The following SAMSN1 variants were observed in gnomAD, a reference collection of about 807,000 sequenced individuals.
SAMSN1 encodes SAM domain-containing protein SAMSN-1.
A neutral mutation model predicts 42.0 loss-of-function variants in SAMSN1; 31 were observed. The ratio of observed to expected loss-of-function variants is 0.74; its 90% CI spans 0.55 to 1.00. The LOEUF (loss-of-function observed/expected upper bound fraction) is 1.00, where lower values mean the gene tolerates loss of function less well. Ranked by LOEUF, SAMSN1 falls within the 50% of genes least tolerant of loss-of-function variation. The pLI is 0.00. For synonymous variants in SAMSN1, 178 were observed against 151.9 expected, an observed-to-expected ratio of 1.17 and a Z score of -1.26; for missense variants, 464 against 439.4, an observed-to-expected ratio of 1.06 and a Z score of -0.50.
At chr21:14,575,668 G>A (rs1230144868) in intron 2 of SAMSN1, among the ~76,000 whole-genome samples, 2 of 152,156 alleles carry the variant, frequency 1.3e-5, no homozygotes, top group Admixed American at 6.6e-5. Flanking sequence ...GAGTGTGTGA[G>A]CTTTCTTCTT....
chr21:14,527,212 T>C (rs532937674), intron 1 of SAMSN1, among the ~76,000 whole-genome samples: 54 of 152,366 alleles, frequency 3.5e-4, no homozygotes, highest in African/African-American at 1.2e-3. Flanking sequence ...AATATTCTAC[T>C]ATAATAAAAG....
intron 1 of SAMSN1, among the ~76,000 whole-genome samples, chr21:14,646,181 G>A (rs961115797): frequency 4.6e-5 from 7 of 152,086 alleles, no homozygotes. Context: ...AGAACACCAA[G>A]CAGATTTAAC....
Position 14,566,155 on chromosome 21 carries a change from T to G in SAMSN1, c.261+15981A>C, listed in dbSNP as rs1981108975. On this transcript the variant is annotated intron_variant, in intron 2 of 8. Coordinates refer to the SAMSN1 transcript ENST00000285670. ...ACATTTAAAGTCAGTTGTGTTTTAG[T>G]CAAAGGAGACTTTTCTCCACTTGCA... Among the ~76,000 whole-genome samples, 3 of 152,204 alleles carry G rather than the reference T, an allele frequency of 2.0e-5. No individual in the cohort carries two copies. In the South Asian group the frequency reaches 6.2e-4, roughly 31 times the overall value.
At chr21:14,570,891 G>A (rs1175817946) in intron 2 of SAMSN1, among the ~76,000 whole-genome samples, 2 of 152,172 alleles carry the variant, frequency 1.3e-5, no homozygotes, top group Non-Finnish European at 2.9e-5. Flanking sequence ...TTTTAGGGAA[G>A]ACACAGCAAA....
chr21:14,570,539 G>C (rs889330622), intron 2 of SAMSN1, among the ~76,000 whole-genome samples: 1 of 152,170 alleles, frequency 6.6e-6, no homozygotes, highest in African/African-American at 2.4e-5. Context: ...TCACTTCTCT[G>C]CTGTCATCTG....
intron 3 of SAMSN1, among the ~76,000 whole-genome samples, chr21:14,513,834 C>A (rs1987793100): frequency 6.6e-6 from 1 of 152,110 alleles, no homozygotes; most frequent in Non-Finnish European, 1.5e-5. Flanking sequence ...TTGGGTTGTG[C>A]AGGGAAAACA....
chr21:14,635,572 AAAAATCAATACTTTT>A (rs1229339638), intron 2 of SAMSN1, among the ~76,000 whole-genome samples: 2 of 152,210 alleles, frequency 1.3e-5, no homozygotes, highest in Non-Finnish European at 2.9e-5. Flanking sequence ...CTTGTCCAGT[AAAAATCAATACTTTT>A]AGATAAGAAG....
At chr21:14,494,070 A>T (rs1373141902) in intron 7 of SAMSN1, among the ~76,000 whole-genome samples, 1 of 152,172 alleles carries the variant, frequency 6.6e-6, no homozygotes, top group Non-Finnish European at 1.5e-5. Context: ...ACAGATGCTG[A>T]AGAGGATGTG....
intron 2 of SAMSN1, among the ~76,000 whole-genome samples, chr21:14,560,662 A>T (rs540675164): frequency 2.6e-5 from 4 of 152,200 alleles, no homozygotes; most frequent in Non-Finnish European, 5.9e-5. Flanking sequence ...GAAGAAAGGT[A>T]TATCTCTCTA....
intron 5 of SAMSN1, among the ~76,000 whole-genome samples, chr21:14,503,302 G>A (rs954700660): frequency 6.6e-6 from 1 of 152,130 alleles, no homozygotes; most frequent in Non-Finnish European, 1.5e-5. Context: ...CTGCCGTATT[G>A]TAGAGAGGGC....
At chr21:14,621,785 T>C (rs372539) in intron 2 of SAMSN1, among the ~76,000 whole-genome samples, 29,477 of 152,118 alleles carry the variant, frequency 0.19, 4,256 homozygotes, top group African/African-American at 0.41. Flanking sequence ...AGTGGTTCTC[T>C]CAGCATGGAG....
exon 2 of SAMSN1, chr21:14,582,302 C>T (rs1444921468): frequency 6.4e-7 from 1 of 1,550,690 alleles, no homozygotes; most frequent in African/African-American, 1.4e-5. Context: ...GTAAGCTTCA[C>T]CTTCATACCA....
At chr21:14,575,686 C>G (rs924018466) in intron 2 of SAMSN1, among the ~76,000 whole-genome samples, 3 of 152,092 alleles carry the variant, frequency 2.0e-5, no homozygotes, top group Non-Finnish European at 2.9e-5. Flanking sequence ...CTTAGTATGT[C>G]TTATTATTTA....
At chr21:14,510,505 C>T in intron 4 of SAMSN1, 44 bp from the exon 5 acceptor site, 1 of 1,602,368 alleles carries the variant, frequency 6.2e-7, no homozygotes, top group Non-Finnish European at 8.5e-7. Context: ...AGACTTATAA[C>T]ATTCTGAATC....
intron 1 of SAMSN1, among the ~76,000 whole-genome samples, chr21:14,657,794 TC>T (rs1983940217): frequency 1.3e-5 from 2 of 151,848 alleles, no homozygotes; most frequent in Non-Finnish European, 2.9e-5. Flanking sequence ...TGATTCAGCC[TC>T]CCACAACTCA....
chr21:14,609,278 A>G (rs1982642888), intron 5 of SAMSN1, among the ~76,000 whole-genome samples: 1 of 152,090 alleles, frequency 6.6e-6, no homozygotes. Context: ...TCTATGTGAT[A>G]TATATACACA....
intron 1 of SAMSN1, among the ~76,000 whole-genome samples, chr21:14,646,847 G>A (rs1983722902): frequency 6.6e-6 from 1 of 152,058 alleles, no homozygotes; most frequent in Non-Finnish European, 1.5e-5. Context: ...TAAGTTGTCA[G>A]CAGGTTAAAA....
chr21:14,587,288 A>C (rs572696204), upstream of SAMSN1, among the ~76,000 whole-genome samples: 1 of 152,158 alleles, frequency 6.6e-6, no homozygotes, highest in South Asian at 2.1e-4. Context: ...TCATCCTTTT[A>C]ATCTATCTCA....
At chr21:14,592,973 G>A (rs1479262438) in intron 7 of SAMSN1, among the ~76,000 whole-genome samples, 2 of 151,972 alleles carry the variant, frequency 1.3e-5, no homozygotes, top group Admixed American at 1.3e-4. Flanking sequence ...AACTCAGATA[G>A]CATGAGAAAT....
Sources: allele counts gnomAD v4.1 joint callset (sites outside exome capture counted in the v4.1 genomes callset), GRCh38; gene constraint gnomAD v4.1.1; transcripts MANE v1.5; gene names NCBI Gene and HGNC (gene_info 2026-07-23, HGNC 2026-07-21).